IRF3: variants seen among roughly 807,000 people sequenced by gnomAD.
IRF3 encodes the protein interferon regulatory factor 3.
In IRF3, 29 loss-of-function variants were observed where a neutral mutation model predicts 43.2. The observed-to-expected ratio is 0.67, with a 90% CI of 0.50 to 0.91. The LOEUF (loss-of-function observed/expected upper bound fraction) is 0.91, where lower values mean the gene tolerates loss of function less well. Ranked by LOEUF, IRF3 falls within the 40% of genes least tolerant of loss-of-function variation. IRF3 has a pLI of 0.00. For missense variants in IRF3, 505 were observed against 559.1 expected, an observed-to-expected ratio of 0.90 and a Z score of 0.98; for synonymous variants, 228 against 233.9, an observed-to-expected ratio of 0.97 and a Z score of 0.23.
At chr19:49,664,526 C>T in intron 2 of IRF3, 148 bp downstream of exon 2, 5 of 1,589,754 alleles carry the variant, frequency 3.1e-6, no homozygotes, top group Non-Finnish European at 4.3e-6. Flanking sequence ...CGGCTAGCCC[C>T]GCCCCTCCCG....
chr19:49,662,702 G>A lies in IRF3; in HGVS notation c.409-85C>T, dbSNP rs188993231. The stretch of plus-strand genomic sequence containing the variant: ...ATGGACCAGGTCTGTTCTCAGCAAC[G>A]CAGGGAGGTCAGGCTTGAGCTCTGC... On this transcript the variant is annotated intron_variant, in intron 4 of 7. Coordinates refer to ENST00000377139, the MANE Select transcript of IRF3 (RefSeq NM_001571.6). 185 of 1,144,236 alleles carry A rather than the reference G, an allele frequency of 1.6e-4. No individual in the cohort carries two copies. The East Asian group carries it at 3.5e-3, about 22-fold the overall frequency. The allele number at this position is 1,144,236 out of a possible 1,614,324, so 70.9% of individuals were successfully genotyped here.
Position 49,659,717 on chromosome 19 carries a change from G to A in IRF3, c.1215C>T (p.Ser405=), listed in dbSNP as rs149842990. Residue 405 remains serine, a synonymous_variant, in exon 8 of 8, where the codon TCC becomes TCT. Transcript: ENST00000377139. ...ISNSHPLSLT[S]DQYKAYLQDL... is the part of the protein sequence containing the mutation. ...CCTGCAGGTAGGCCTTGTACTGGTC[G>A]GAGGTGAGGGAGAGTGGGTGGCTGT... 316 of 1,613,928 alleles carry A rather than the reference G, an allele frequency of 2.0e-4. No homozygotes were observed. The African/African-American group carries it at 3.2e-3, about 16-fold the overall frequency.
At chr19:49,664,565 G>A (rs369683765) in intron 2 of IRF3, 109 bp downstream of exon 2, 7 of 1,402,546 alleles carry the variant, frequency 5.0e-6, no homozygotes, top group African/African-American at 1.5e-5. Flanking sequence ...GCGTTGGCAC[G>A]AGCCCGCCCC....
intron 7 of IRF3, 22 bp from the exon 8 acceptor site, chr19:49,659,855 G>A (rs749258705): frequency 5.1e-6 from 8 of 1,555,762 alleles, no homozygotes; most frequent in South Asian, 4.9e-5. Context: ...GTGGGGACAG[G>A]AGTCAGGGAA....
At chr19:49,660,006 C>CAT (rs2081222938) in intron 7 of IRF3, among the ~76,000 whole-genome samples, 173 bp from the exon 8 acceptor site, 4 of 121,030 alleles carry the variant, frequency 3.3e-5, no homozygotes, top group African/African-American at 1.7e-4. Context: ...CACACACACA[C>CAT]ACACACACAC....
At chr19:49,664,224 C>A (rs1463090030) in intron 2 of IRF3, among the ~76,000 whole-genome samples, 2 of 152,184 alleles carry the variant, frequency 1.3e-5, no homozygotes, top group African/African-American at 2.4e-5. Context: ...TAATCCCGTG[C>A]ACCACCTGCC....
In IRF3 at chr19:49,662,272, T is replaced by C. The variant is rs1330679227; in HGVS notation, c.658A>G (p.Ile220Val). ...AGCCGCAGGCCCTCCGGGCAGGAGA[T>C]GGTCTGCTGGAAGACTTGGCGGCCC... ...YRGRQVFQQTISCPEGLRLVG... is the reference protein window; with the variant it reads ...YRGRQVFQQTVSCPEGLRLVG... Residue 220 changes from isoleucine (I) to valine (V), a missense_variant, in exon 6 of 8, where the codon ATC (isoleucine) becomes GTC (valine). Transcript: ENST00000377139. The C allele has an allele frequency of 2.5e-6, 4 of 1,613,780 alleles. No homozygotes were observed. The highest frequency in any genetic ancestry group is 2.2e-5 in the South Asian group (2 of 91,094).
chr19:49,660,093 A>ATACACACACACATACACACACACACAC (rs2081250663), intron 7 of IRF3, among the ~76,000 whole-genome samples: 5 of 130,578 alleles, frequency 3.8e-5, no homozygotes, highest in African/African-American at 1.7e-4. Context: ...CACACACACA[A>ATACACACACACATACACACACACACAC]ACACACACAC....
At chr19:49,664,396 T>C in intron 2 of IRF3, 1 of 1,359,446 alleles carries the variant, frequency 7.4e-7, no homozygotes, top group South Asian at 1.2e-5. Context: ...AGCCCCGGCC[T>C]CTAGAAAGCC....
intron 6 of IRF3, 43 bp from the exon 7 acceptor site, chr19:49,660,871 C>G: frequency 1.9e-6 from 3 of 1,555,402 alleles, no homozygotes; most frequent in Non-Finnish European, 2.6e-6. Context: ...AGAGGACCCT[C>G]TACCCACCCT....
In IRF3 at chr19:49,662,164, C is replaced by T; in HGVS notation, c.766G>A (p.Gly256Arg). 1.2e-6 allele frequency: 2 copies of T among 1,614,172 alleles called. No homozygotes were observed. Among genetic ancestry groups the T allele is most frequent in the Non-Finnish European group, 1.7e-6 (2 of 1,180,048 alleles). The stretch of plus-strand genomic sequence containing the variant: ...ACATGCCTCACGTAGCTCATCACTC[C>T]CCTGTCTGTCAGGGACATGCCAGGG... ...PDPGMSLTDRGVMSYVRHVLS... is the reference protein window; with the variant it reads ...PDPGMSLTDRRVMSYVRHVLS... Residue 256 changes from glycine (G) to arginine (R), a missense_variant, in exon 6 of 8, where the codon GGA becomes AGA. By Grantham distance (125) the Gly-to-Arg change is moderately radical. Transcript: ENST00000377139.
chr19:49,665,029 A>G, intron 1 of IRF3, 183 bp from the exon 2 acceptor site: 1 of 638,628 alleles, frequency 1.6e-6, no homozygotes. Flanking sequence ...CTCTCTAATC[A>G]GCTAGGGTTC....
At chr19:49,660,245 G>A (rs1156568701) in intron 7 of IRF3, among the ~76,000 whole-genome samples, 1 of 152,138 alleles carries the variant, frequency 6.6e-6, no homozygotes, top group African/African-American at 2.4e-5. Flanking sequence ...CGGCTTGTTA[G>A]GGACCAGGTT....
At position 49,659,735 on chromosome 19, in the gene IRF3, G is replaced by T; in HGVS notation, c.1197C>A (p.His399Gln). The T allele has an allele frequency of 3.7e-6, 6 of 1,613,846 alleles. No individual in the cohort carries two copies. Among genetic ancestry groups the T allele is most frequent in the Non-Finnish European group, 5.1e-6 (6 of 1,179,940 alleles). Residue 399 changes from histidine (H) to glutamine (Q), a missense_variant, in exon 8 of 8, where the codon CAC (histidine) becomes CAA (glutamine). By Grantham distance (24) the His-to-Gln change is conservative (BLOSUM62 0). Transcript: ENST00000377139. ...NTVDLHISNS[H>Q]PLSLTSDQYK... ...ACTGGTCGGAGGTGAGGGAGAGTGG[G>T]TGGCTGTTGGAAATGTGCAGGTCCA... is the stretch of plus-strand genomic sequence containing the variant.
chr19:49,662,385 G>A (rs1372049929), intron 5 of IRF3, 40 bp downstream of exon 5: 9 of 1,598,480 alleles, frequency 5.6e-6, no homozygotes, highest in Non-Finnish European at 6.8e-6. Context: ...AGGGGCTGCC[G>A]CCCAGACCTC....
At chr19:49,664,380 ACC>A (rs2081528569) in intron 2 of IRF3, 1 of 1,234,926 alleles carries the variant, frequency 8.1e-7, no homozygotes, top group Non-Finnish European at 1.1e-6. Context: ...CTATCCTACA[ACC>A]AAGAGCCCCG....
intron 6 of IRF3, chr19:49,661,037 C>A: frequency 5.2e-6 from 3 of 576,778 alleles, no homozygotes; most frequent in Non-Finnish European, 9.1e-6. Context: ...CACCCCCAAG[C>A]CCCCAAGCCT....
intron 2 of IRF3, 73 bp downstream of exon 2, chr19:49,664,601 C>G (rs2081562611): frequency 6.2e-7 from 1 of 1,611,378 alleles, no homozygotes. Flanking sequence ...GCCTTCTCAG[C>G]CGGGCCCACT....
chr19:49,662,174 C>T lies in IRF3; in HGVS notation c.756G>A (p.Leu252=). Residue 252 remains leucine, a synonymous_variant, in exon 6 of 8, where the codon CTG becomes CTA. Coordinates refer to ENST00000377139, the MANE Select transcript of IRF3 (RefSeq NM_001571.6). ...CGTAGCTCATCACTCCCCTGTCTGT[C>T]AGGGACATGCCAGGGTCTGGCAGTG... ...PVTLPDPGMS[L]TDRGVMSYVR... 6.2e-7 allele frequency: 1 copy of T among 1,614,178 alleles called. No homozygotes were observed. The highest frequency in any genetic ancestry group is 8.5e-7 in the Non-Finnish European group (1 of 1,180,050).
Sources: gnomAD v4.1 joint callset for allele counts (sites outside exome capture counted in the v4.1 genomes callset) on GRCh38, gnomAD v4.1.1 for gene constraint, MANE v1.5 for transcripts, NCBI Gene and HGNC (gene_info 2026-07-23, HGNC 2026-07-21) for gene names.